The following SLC44A5 variants were observed in gnomAD, a reference collection of about 807,000 sequenced individuals.
SLC44A5 encodes the protein choline transporter-like protein 5.
Under a neutral mutation model 101.8 loss-of-function variants are expected in SLC44A5, and 57 were observed. The ratio of observed to expected loss-of-function variants is 0.56; its 90% CI spans 0.45 to 0.70. The LOEUF (loss-of-function observed/expected upper bound fraction) is 0.70, where lower values mean the gene tolerates loss of function less well. Ranked by LOEUF, SLC44A5 falls within the 30% of genes least tolerant of loss-of-function variation. SLC44A5 has a pLI of 0.00. For missense variants in SLC44A5, 737 were observed against 853.1 expected, an observed-to-expected ratio of 0.86 and a Z score of 1.70; for synonymous variants, 281 against 290.9, an observed-to-expected ratio of 0.97 and a Z score of 0.35.
chr1:75,435,479 T>C (rs1436314691), intron 2 of SLC44A5, among the ~76,000 whole-genome samples: 1 of 152,110 alleles, frequency 6.6e-6, no homozygotes, highest in Non-Finnish European at 1.5e-5. Flanking sequence ...TTCCATGATC[T>C]CTGATTCCAG....
chr1:75,572,407 T>C (rs1425119569), intron 1 of SLC44A5, among the ~76,000 whole-genome samples: 1 of 152,228 alleles, frequency 6.6e-6, no homozygotes, highest in South Asian at 2.1e-4. Context: ...GATTTGAAGC[T>C]AGAATATTCT....
the SLC44A5 span, among the ~76,000 whole-genome samples, chr1:75,619,179 TGGAAGGAA>T: frequency 1.1e-5 from 1 of 94,264 alleles, no homozygotes; most frequent in Non-Finnish European, 2.1e-5. Context: ...ACAGGGAGGA[TGGAAGGAA>T]GGAAGGAAGG....
At chr1:75,666,459 C>A in the SLC44A5 span, among the ~76,000 whole-genome samples, 2 of 152,050 alleles carry the variant, frequency 1.3e-5, no homozygotes, top group Non-Finnish European at 2.9e-5. Context: ...AGCCTACCAA[C>A]TAAAAAAAGT....
chr1:75,331,854 C>T (rs1385331214), intron 4 of SLC44A5, among the ~76,000 whole-genome samples: 2 of 152,122 alleles, frequency 1.3e-5, no homozygotes, highest in Non-Finnish European at 2.9e-5. Context: ...GCCTGACTTA[C>T]TCCTCTTATC....
chr1:75,348,217 G>T (rs1658395478), intron 3 of SLC44A5, among the ~76,000 whole-genome samples: 1 of 151,792 alleles, frequency 6.6e-6, no homozygotes, highest in South Asian at 2.1e-4. Context: ...AAAGCTTAAA[G>T]AATATCTTAA....
chr1:75,300,000 G>A (rs1654304770), intron 5 of SLC44A5, among the ~76,000 whole-genome samples: 2 of 115,794 alleles, frequency 1.7e-5, no homozygotes, highest in East Asian at 4.7e-4. Context: ...TGGGAACACA[G>A]TGAGACTCTG....
At chr1:75,399,893 G>A (rs187967935) in intron 2 of SLC44A5, among the ~76,000 whole-genome samples, 1 of 152,084 alleles carries the variant, frequency 6.6e-6, no homozygotes, top group Non-Finnish European at 1.5e-5. Context: ...TATGTTTATT[G>A]CAGAACTGTT....
At chr1:75,675,602 TAGA>T in the SLC44A5 span, among the ~76,000 whole-genome samples, 1 of 152,148 alleles carries the variant, frequency 6.6e-6, no homozygotes, top group Non-Finnish European at 1.5e-5. Context: ...ATAAAAACCC[TAGA>T]AGAATATCTA....
intron 2 of SLC44A5, among the ~76,000 whole-genome samples, chr1:75,440,102 T>C (rs1327856634): frequency 3.9e-5 from 6 of 152,088 alleles, no homozygotes; most frequent in Non-Finnish European, 5.9e-5. Context: ...CCACTATGTG[T>C]CAGAAACAGA....
intron 3 of SLC44A5, among the ~76,000 whole-genome samples, chr1:75,394,814 C>T (rs1179127916): frequency 6.6e-6 from 1 of 151,900 alleles, no homozygotes; most frequent in Non-Finnish European, 1.5e-5. Flanking sequence ...CATCATCCAC[C>T]CAATTGAAAT....
At chr1:75,574,199 T>G (rs1003816908) in intron 1 of SLC44A5, among the ~76,000 whole-genome samples, 3 of 152,204 alleles carry the variant, frequency 2.0e-5, no homozygotes, top group African/African-American at 7.2e-5. Context: ...AAATAAGCCT[T>G]CACTCATTTT....
At chr1:75,590,016 G>C (rs543617251) in intron 1 of SLC44A5, among the ~76,000 whole-genome samples, 1 of 152,002 alleles carries the variant, frequency 6.6e-6, no homozygotes, top group East Asian at 1.9e-4. Context: ...CAACCTGTAG[G>C]CAAGTCCTAG....
the SLC44A5 span, among the ~76,000 whole-genome samples, chr1:75,693,188 TAGTC>T: frequency 3.3e-5 from 5 of 152,278 alleles, no homozygotes; most frequent in East Asian, 9.7e-4. Flanking sequence ...GCTGGACAGT[TAGTC>T]AGGAATTCTA....
intron 4 of SLC44A5, among the ~76,000 whole-genome samples, chr1:75,324,265 T>A (rs905782130): frequency 6.6e-6 from 1 of 152,200 alleles, no homozygotes; most frequent in African/African-American, 2.4e-5. Flanking sequence ...TGAGCTTAAA[T>A]GATCTTCAAA....
chr1:75,637,993 C>T, the SLC44A5 span, among the ~76,000 whole-genome samples: 1 of 151,980 alleles, frequency 6.6e-6, no homozygotes, highest in Non-Finnish European at 1.5e-5. Context: ...TCCGCCTATG[C>T]AGTTGACATA....
In SLC44A5 at chr1:75,536,337, C is replaced by G. The variant is rs554834330; in HGVS notation, c.13+5098G>C. On this transcript the variant is annotated intron_variant, in intron 2 of 23. Coordinates refer to ENST00000370859, the MANE Select transcript of SLC44A5 (RefSeq NM_001130058.2). The stretch of plus-strand genomic sequence containing the variant: ...TGGCCCGGCCAGACGCGGTGGCTCA[C>G]GCCTGTAATCCCAGCCCTTTGGGAG... Among the ~76,000 whole-genome samples, 8 of 151,872 alleles carry G rather than the reference C, an allele frequency of 5.3e-5. No homozygotes were observed. In the South Asian group the frequency reaches 1.7e-3, roughly 32 times the overall value.
chr1:75,213,189 G>A (rs1334497236), intron 22 of SLC44A5, among the ~76,000 whole-genome samples: 3 of 152,096 alleles, frequency 2.0e-5, no homozygotes, highest in Non-Finnish European at 2.9e-5. Flanking sequence ...CCTTCCGCAT[G>A]CAATCCTCTG....
At chr1:75,543,359 G>A (rs994495482) in intron 1 of SLC44A5, among the ~76,000 whole-genome samples, 1 of 151,832 alleles carries the variant, frequency 6.6e-6, no homozygotes, top group Non-Finnish European at 1.5e-5. Flanking sequence ...CAATCAAGTG[G>A]AAAGCTTGTG....
rs148101265 is a variant in SLC44A5, at chr1:75,511,879, A to G, written c.13+29556T>C. 3.6e-3 allele frequency among the ~76,000 whole-genome samples: 542 copies of G among 152,316 alleles called. 2 individuals carry two copies. The highest frequency in any genetic ancestry group is 4.2e-3 in the Non-Finnish European group (285 of 68,038). On this transcript the variant is annotated intron_variant, in intron 2 of 23. Transcript: ENST00000370859. Reference sequence around the variant, plus strand: ...CAGACTATTCATTAATCCTCTTCCCATTCAAGTGAGGCATTAAAGAAACTC... The same window carrying G: ...CAGACTATTCATTAATCCTCTTCCCGTTCAAGTGAGGCATTAAAGAAACTC...
Sources: allele counts gnomAD v4.1 joint callset (sites outside exome capture counted in the v4.1 genomes callset), GRCh38; gene constraint gnomAD v4.1.1; transcripts MANE v1.5; gene names NCBI Gene and HGNC (gene_info 2026-07-23, HGNC 2026-07-21).